Variants in KATNAL2 observed in about 807,000 individuals in gnomAD.
KATNAL2 encodes the protein katanin catalytic subunit A1 like 2, also known as katanin p60 ATPase-containing subunit A-like 2.
KATNAL2 carries 52 observed loss-of-function variants against 76.3 expected under a neutral mutation model. The observed-to-expected ratio is 0.68, with a 90% CI of 0.55 to 0.86. The LOEUF (loss-of-function observed/expected upper bound fraction) is 0.86. Among genes scored for constraint, KATNAL2 ranks in the 40% least tolerant of loss-of-function variants. The pLI is 0.00. For synonymous variants in KATNAL2, 243 were observed against 244.2 expected (o/e 1.00, Z 0.05); for missense variants, 660 against 668.9 (o/e 0.99, Z 0.15).
chr18:46,923,150 G>T (rs2058623290), intron 1 of KATNAL2, among the ~76,000 whole-genome samples: 2 of 150,334 alleles, frequency 1.3e-5, no homozygotes, highest in African/African-American at 4.9e-5. Context: ...TGCCATGTTG[G>T]TGTGCTGCAC....
At chr18:47,093,848 C>T (rs1185581149) in intron 15 of KATNAL2, among the ~76,000 whole-genome samples, 1 of 152,142 alleles carries the variant, frequency 6.6e-6, no homozygotes, top group Admixed American at 6.6e-5. Flanking sequence ...AGAGATTTCT[C>T]CAGCTTTATC....
At chr18:47,081,482 C>A (rs530746367) in intron 15 of KATNAL2, among the ~76,000 whole-genome samples, 12 of 152,034 alleles carry the variant, frequency 7.9e-5, no homozygotes, top group Middle Eastern at 3.4e-3. Context: ...TGGAAAAATC[C>A]AGCATATATT....
chr18:47,059,028 A>T (rs945829236), intron 7 of KATNAL2, among the ~76,000 whole-genome samples: 11 of 152,172 alleles, frequency 7.2e-5, no homozygotes, highest in African/African-American at 1.9e-4. Context: ...AAAAGGAATT[A>T]AAAAAATTAA....
At chr18:46,931,138 A>ATAG (rs2058904283) in intron 1 of KATNAL2, among the ~76,000 whole-genome samples, 1 of 141,400 alleles carries the variant, frequency 7.1e-6, no homozygotes, top group Non-Finnish European at 1.5e-5. Flanking sequence ...AATAATAATA[A>ATAG]TAAATAAATA....
At chr18:47,033,912 C>T (rs1331266584) in intron 3 of KATNAL2, 4 of 1,613,104 alleles carry the variant, frequency 2.5e-6, no homozygotes, top group Non-Finnish European at 3.4e-6. Context: ...GCACCGTTTT[C>T]GGCCCGGCGG....
chr18:47,089,570 A>T (rs1260406943), intron 15 of KATNAL2, among the ~76,000 whole-genome samples: 1 of 152,126 alleles, frequency 6.6e-6, no homozygotes, highest in Non-Finnish European at 1.5e-5. Context: ...TTCTGAACTC[A>T]CTGCTCAGAA....
At chr18:47,071,514 T>A (rs113954759) in intron 13 of KATNAL2, among the ~76,000 whole-genome samples, 4,131 of 152,026 alleles carry the variant, frequency 0.027, 179 homozygotes, top group African/African-American at 0.094. Context: ...CTTTTTTTTT[T>A]AAATATCATT....
At chr18:47,033,884 CT>C in intron 3 of KATNAL2, 1 of 1,613,776 alleles carries the variant, frequency 6.2e-7, no homozygotes, top group Non-Finnish European at 8.5e-7. Context: ...TCCCAGAGCT[CT>C]GAGAAGACAT....
rs759801031 is a variant in KATNAL2, at chr18:47,069,579, G to C, written c.987G>C (p.Gly329=). Residue 329 remains glycine (G), a synonymous_variant, in exon 13 of 18, where the codon GGG becomes GGC. Coordinates refer to ENST00000683218, the MANE Select transcript of KATNAL2 (RefSeq NM_001387690.1). ...CCACCATTGTCAGCAAATGGAGAGGGGATTCAGAAAAACTCGTTCGGGTAG... is the reference window on the plus strand; with the variant it reads ...CCACCATTGTCAGCAAATGGAGAGGCGATTCAGAAAAACTCGTTCGGGTAG... ...SASTIVSKWR[G]DSEKLVRVLF... 6 of 1,612,562 alleles carry C rather than the reference G, an allele frequency of 3.7e-6. No individual in the cohort carries two copies. Among genetic ancestry groups the C allele is most frequent in the Middle Eastern group, 1.7e-4 (1 of 6,052 alleles).
chr18:46,961,317 T>C (rs2059941000), intron 3 of KATNAL2, among the ~76,000 whole-genome samples: 1 of 152,162 alleles, frequency 6.6e-6, no homozygotes, highest in Non-Finnish European at 1.5e-5. Context: ...GCAGGAGAAG[T>C]GGTGGTCCCC....
chr18:47,048,943 T>C (rs1313745449), intron 4 of KATNAL2, among the ~76,000 whole-genome samples: 1 of 147,170 alleles, frequency 6.8e-6, no homozygotes, highest in Non-Finnish European at 1.5e-5. Flanking sequence ...CAGGCCATTC[T>C]CCTGCCTCAG....
chr18:47,044,921 C>T (rs1351334456), intron 3 of KATNAL2, among the ~76,000 whole-genome samples: 1 of 151,952 alleles, frequency 6.6e-6, no homozygotes, highest in Non-Finnish European at 1.5e-5. Flanking sequence ...CTCATCTCTA[C>T]AAAAAATATA....
intron 3 of KATNAL2, among the ~76,000 whole-genome samples, chr18:46,951,843 T>C (rs2059566981): frequency 6.6e-6 from 1 of 152,168 alleles, no homozygotes; most frequent in Non-Finnish European, 1.5e-5. Context: ...CGACCTTGGC[T>C]CACTGTAACC....
intron 3 of KATNAL2, chr18:47,033,154 C>G (rs2060563852): frequency 6.2e-7 from 1 of 1,614,090 alleles, no homozygotes; most frequent in Non-Finnish European, 8.5e-7. Context: ...CTCAGGGAGC[C>G]AGCGAAGGAT....
chr18:47,044,708 C>T (rs1208572861), intron 3 of KATNAL2, among the ~76,000 whole-genome samples: 1 of 148,128 alleles, frequency 6.8e-6, no homozygotes. Context: ...TTGCAGTGAT[C>T]GGAGATCATG....
intron 14 of KATNAL2, 89 bp from the exon 15 acceptor site, chr18:47,077,260 TAC>T: frequency 1.0e-6 from 1 of 957,910 alleles, no homozygotes; most frequent in Non-Finnish European, 1.7e-6. Context: ...GAAACTGTTC[TAC>T]AGTCACAGGG....
At chr18:46,960,961 A>G (rs2059921931) in intron 3 of KATNAL2, among the ~76,000 whole-genome samples, 1 of 152,180 alleles carries the variant, frequency 6.6e-6, no homozygotes, top group African/African-American at 2.4e-5. Context: ...AAAAGAAATT[A>G]TTGGCCCTTT....
chr18:46,967,634 A>G (rs2060173350), intron 3 of KATNAL2, among the ~76,000 whole-genome samples: 1 of 113,882 alleles, frequency 8.8e-6, no homozygotes, highest in Admixed American at 8.0e-5. Flanking sequence ...AAGCCAACAA[A>G]TGCCCTGAGT....
intron 3 of KATNAL2, among the ~76,000 whole-genome samples, chr18:47,045,399 C>A (rs1289843186): frequency 7.3e-5 from 11 of 150,924 alleles, no homozygotes; most frequent in Admixed American, 4.0e-4. Context: ...GATCTTGGCT[C>A]ACTGCAACCT....
Sources: gnomAD v4.1 joint callset for allele counts (sites outside exome capture counted in the v4.1 genomes callset) on GRCh38, gnomAD v4.1.1 for gene constraint, MANE v1.5 for transcripts, NCBI Gene and HGNC (gene_info 2026-07-23, HGNC 2026-07-21) for gene names.